CEP192: variants seen among roughly 807,000 people sequenced by gnomAD.
The protein encoded by CEP192 is centrosomal protein 192.
CEP192 carries 151 observed loss-of-function variants against 271.8 expected under a neutral mutation model. That is an observed-to-expected ratio of 0.56 (90% CI 0.49 to 0.64). CEP192 has a LOEUF of 0.64. CEP192 is among the 30% of genes least tolerant of loss of function. The pLI is 0.00. For synonymous variants in CEP192, 995 were observed against 1,076.5 expected, an observed-to-expected ratio of 0.92 and a Z score of 1.48; for missense variants, 2,910 against 3,020.5, an observed-to-expected ratio of 0.96 and a Z score of 0.86.
At chr18:13,100,593 G>T in intron 38 of CEP192, 81 bp downstream of exon 38, 1 of 1,137,588 alleles carries the variant, frequency 8.8e-7, no homozygotes, top group South Asian at 1.4e-5. Context: ...ATAAGTTGGT[G>T]ATAAATATAA....
intron 9 of CEP192, among the ~76,000 whole-genome samples, chr18:13,023,347 A>G (rs931911199): frequency 3.9e-5 from 6 of 152,154 alleles, no homozygotes; most frequent in Middle Eastern, 3.2e-3. Context: ...AAAGGCTTCT[A>G]GCTTCTTACT....
At chr18:13,103,630 G>C (rs1385104443) in intron 39 of CEP192, 42 bp downstream of exon 39, 1 of 1,423,510 alleles carries the variant, frequency 7.0e-7, no homozygotes. Context: ...TTAATGTTTA[G>C]ACTTTATCCA....
At position 13,124,768 on chromosome 18, in the gene CEP192, T is replaced by G. The variant is rs778847647; in HGVS notation, c.7612T>G (p.Ter2538GluextTer7). Residue 2538 changes from the stop codon to glutamate, a stop_lost, in exon 45 of 45, where the codon TAA becomes GAA. Coordinates refer to ENST00000506447, the MANE Select transcript of CEP192 (RefSeq NM_032142.4). ...AATTGGTGAAGCTCTTGGAAAAAAT[T>G]AACTAGAATACATTTTTGTGTAAAG... Reference protein sequence around the residue: ...RLIGEALGKN* With the variant: ...RLIGEALGKNE 2.2e-5 allele frequency: 36 copies of G among 1,600,718 alleles called. No individual in the cohort carries two copies. Among genetic ancestry groups the G allele is most frequent in the Non-Finnish European group, 2.9e-5 (34 of 1,169,224 alleles).
chr18:13,019,852 C>G (rs887285238), intron 9 of CEP192, among the ~76,000 whole-genome samples: 2 of 151,440 alleles, frequency 1.3e-5, no homozygotes, highest in Non-Finnish European at 2.9e-5. Context: ...GACAGTCTCA[C>G]TCTGTCACCC....
chr18:13,039,246 G>A (rs1194539274), intron 13 of CEP192, among the ~76,000 whole-genome samples: 3 of 152,082 alleles, frequency 2.0e-5, no homozygotes, highest in South Asian at 4.1e-4. Flanking sequence ...CTTGAGGTCA[G>A]GAGTTCGAGA....
chr18:13,038,318 C>T, intron 12 of CEP192, 52 bp from the exon 13 acceptor site: 1 of 1,424,214 alleles, frequency 7.0e-7, no homozygotes, highest in South Asian at 1.2e-5. Flanking sequence ...ATTAGAACAA[C>T]AGAAAAGTGA....
At chr18:13,058,220 A>G (rs952847671) in intron 20 of CEP192, 1 of 152,392 alleles carries the variant, frequency 6.6e-6, no homozygotes, top group Non-Finnish European at 1.5e-5. Flanking sequence ...ATGAACTTTT[A>G]AGACAGATGT....
intron 36 of CEP192, among the ~76,000 whole-genome samples, chr18:13,098,772 C>T (rs531517637): frequency 1.5e-4 from 23 of 150,666 alleles, no homozygotes; most frequent in East Asian, 2.0e-4. Flanking sequence ...ACTTCCCAGA[C>T]GGGGTGGCGG....
intron 1 of CEP192, among the ~76,000 whole-genome samples, chr18:12,992,739 G>T (rs1459477434): frequency 6.6e-6 from 1 of 152,178 alleles, no homozygotes; most frequent in Non-Finnish European, 1.5e-5. Context: ...TGTTACCTTT[G>T]CACCCTTAGC....
chr18:13,030,639 A>AT, intron 11 of CEP192, 31 bp downstream of exon 11: 2 of 1,526,484 alleles, frequency 1.3e-6, no homozygotes, highest in Non-Finnish European at 1.8e-6. Flanking sequence ...TTATTATAAC[A>AT]TTTTCACTGT....
chr18:13,123,413 A>G (rs2040765122), intron 44 of CEP192, among the ~76,000 whole-genome samples: 1 of 152,194 alleles, frequency 6.6e-6, no homozygotes, highest in African/African-American at 2.4e-5. Context: ...TATCAGTTAT[A>G]TCCAGGAAAA....
At position 12,991,723 on chromosome 18, in the gene CEP192, A is replaced by G. The variant is rs75073602; in HGVS notation, c.-5+286A>G. 9.9e-5 allele frequency among the ~76,000 whole-genome samples: 15 copies of G among 152,244 alleles called. No individual in the cohort carries two copies. In the East Asian group the frequency reaches 1.9e-3, roughly 20 times the overall value. On this transcript the variant is annotated intron_variant, in intron 1 of 44. Coordinates refer to ENST00000506447, the MANE Select transcript of CEP192 (RefSeq NM_032142.4). The stretch of plus-strand genomic sequence containing the variant: ...TGATGAGACAGACTGTTAGGGGATC[A>G]CGTCCTTCTTTCCTCCCCTCTTGTC...
rs114927480 is a variant in CEP192, at chr18:13,064,671, A to G, written c.4489-3160A>G. Among the ~76,000 whole-genome samples, 859 of 149,906 alleles carry G rather than the reference A, an allele frequency of 5.7e-3. 13 individuals carry two copies. Among genetic ancestry groups the G allele is most frequent in the African/African-American group, 0.02 (820 of 40,832 alleles). The stretch of plus-strand genomic sequence containing the variant: ...GTGTGGATTTGTGTTTGGGTCCTCT[A>G]TTCTGTTCCTTTGGTCTGTGTATCT... On this transcript the variant is annotated intron_variant, in intron 21 of 44. Coordinates refer to ENST00000506447, the MANE Select transcript of CEP192 (RefSeq NM_032142.4).
chr18:13,114,199 T>G lies in CEP192; in HGVS notation c.7237T>G (p.Leu2413Val). 1 of 1,614,022 alleles carries G rather than the reference T, an allele frequency of 6.2e-7. No homozygotes were observed. The highest frequency in any genetic ancestry group is 1.7e-5 in the Admixed American group (1 of 60,002). The change falls in exon 42 of 45, where the codon TTA (leucine) becomes GTA (valine). Residue 2413 changes from leucine (L) to valine (V), a missense_variant. Physicochemically the swap from Leu to Val is conservative, Grantham distance 32. Coordinates refer to ENST00000506447, the MANE Select transcript of CEP192 (RefSeq NM_032142.4). ...GGATTCCCTCATTAAAATAGATCAT[T>G]TAGTTAAGCCCCGAAGACAAGCTGT... ...STDSLIKIDH[L>V]VKPRRQAVSE...
intron 15 of CEP192, among the ~76,000 whole-genome samples, chr18:13,043,399 A>G (rs373512520): frequency 4.6e-5 from 7 of 152,114 alleles, no homozygotes; most frequent in African/African-American, 1.7e-4. Context: ...TAATGTGCTA[A>G]CTTTGTCATA....
intron 34 of CEP192, among the ~76,000 whole-genome samples, chr18:13,094,641 G>C (rs2039302467): frequency 6.6e-6 from 1 of 152,226 alleles, no homozygotes; most frequent in South Asian, 2.1e-4. Context: ...AATGGTGTTA[G>C]AAACCAGGGT....
intron 12 of CEP192, 80 bp from the exon 13 acceptor site, chr18:13,038,290 C>A: frequency 8.7e-7 from 1 of 1,152,216 alleles, no homozygotes; most frequent in Non-Finnish European, 1.2e-6. Flanking sequence ...CTTGGTAAGA[C>A]TTTTTTAGTT....
chr18:13,012,019 A>G (rs1189710996), intron 4 of CEP192, among the ~76,000 whole-genome samples: 1 of 152,218 alleles, frequency 6.6e-6, no homozygotes, highest in African/African-American at 2.4e-5. Context: ...GAGCCTTGAA[A>G]ACATGCCAAG....
In CEP192 at chr18:13,036,429, T is replaced by G. The variant is rs896589330; in HGVS notation, c.1535-808T>G. Among the ~76,000 whole-genome samples, 4 of 152,236 alleles carry G rather than the reference T, an allele frequency of 2.6e-5. No homozygotes were observed. In the South Asian group the frequency reaches 8.3e-4, roughly 32 times the overall value. On this transcript the variant is annotated intron_variant, in intron 11 of 44. Transcript: ENST00000506447. ...TGGGCCATGAGTGGACTGTTCCCTC[T>G]GGCTCACCATTCACTTTTCTCCTTT...
Sources: allele counts gnomAD v4.1 joint callset (sites outside exome capture counted in the v4.1 genomes callset), GRCh38; gene constraint gnomAD v4.1.1; transcripts MANE v1.5; gene names NCBI Gene and HGNC (gene_info 2026-07-23, HGNC 2026-07-21).